The following DEK variants were observed in gnomAD, a reference collection of about 807,000 sequenced individuals.
DEK encodes DEK proto-oncogene, also known as protein DEK.
Under a neutral mutation model 46.8 loss-of-function variants are expected in DEK, and 28 were observed. The ratio of observed to expected loss-of-function variants is 0.60; its 90% CI spans 0.44 to 0.82. The LOEUF (loss-of-function observed/expected upper bound fraction) is 0.82. Among genes scored for constraint, DEK ranks in the 40% least tolerant of loss-of-function variants. DEK has a pLI of 0.00. For synonymous variants in DEK, 160 were observed against 144.5 expected (o/e 1.11, Z -0.77); for missense variants, 416 against 430.6 (o/e 0.97, Z 0.30).
At chr6:18,239,338 C>CTTTTTTT (rs58941276) in intron 7 of DEK, among the ~76,000 whole-genome samples, 1 of 78,294 alleles carries the variant, frequency 1.3e-5, no homozygotes, top group Non-Finnish European at 2.2e-5. Flanking sequence ...ATTTTAGTGT[C>CTTTTTTT]TTTTTTTTTT....
chr6:18,236,557 T>C lies in DEK; in HGVS notation c.942A>G (p.Lys314=). 1.9e-6 allele frequency: 3 copies of C among 1,584,548 alleles called. No homozygotes were observed. The highest frequency in any genetic ancestry group is 1.2e-5 in the South Asian group (1 of 84,862). The change falls in exon 9 of 11, where the codon AAA becomes AAG. Residue 314 remains lysine, a synonymous_variant. Transcript: ENST00000652689. ...EDSSDDEPLI[K]KLKKPPTDEE... ...CATCTGTAGGGGGTTTCTTCAACTT[T>C]TTAATTAAAGGTTCATCATCTGAAC...
intron 9 of DEK, among the ~76,000 whole-genome samples, chr6:18,233,242 A>G (rs1790489931): frequency 6.6e-6 from 1 of 152,206 alleles, no homozygotes; most frequent in Admixed American, 6.5e-5. Context: ...TAAAACCATA[A>G]AAACCCTAGA....
intron 7 of DEK, among the ~76,000 whole-genome samples, chr6:18,248,907 A>T (rs951703603): frequency 6.6e-6 from 1 of 152,182 alleles, no homozygotes; most frequent in Non-Finnish European, 1.5e-5. Flanking sequence ...AAGGTTGATT[A>T]CCCAATCTAT....
chr6:18,258,186 A>G (rs1791684785), intron 3 of DEK, 118 bp downstream of exon 3: 1 of 1,098,620 alleles, frequency 9.1e-7, no homozygotes, highest in East Asian at 2.5e-5. Context: ...AGAGCAAATT[A>G]AATAAAATTA....
Position 18,236,545 on chromosome 6 carries a change from TTTC to T in DEK, c.951_953del (p.Lys318del). ...CCTTTAACTCTTCATCTGTAGGGGG[TTTC>T]TTCAACTTTTTAATTAAAGGTTCAT... is the stretch of plus-strand genomic sequence containing the variant. On this transcript the variant is annotated inframe_deletion, in exon 9 of 11. Coordinates refer to ENST00000652689, the MANE Select transcript of DEK (RefSeq NM_003472.4). The T allele has an allele frequency of 6.3e-7, 1 of 1,586,010 alleles. No individual in the cohort carries two copies. Among genetic ancestry groups the T allele is most frequent in the Non-Finnish European group, 8.5e-7 (1 of 1,171,702 alleles).
chr6:18,258,044 CAA>C lies in DEK; in HGVS notation c.264_265del (p.Cys89Ter). ...AAAAAAATGTATCCTCTCAATTTCA[CAA>C]AGTTTCTGCCCCTTTCCTGGGGAAA... On this transcript the variant is annotated frameshift_variant, in exon 4 of 11. Coordinates refer to ENST00000652689, the MANE Select transcript of DEK (RefSeq NM_003472.4). LOFTEE classifies it high-confidence loss of function. The C allele has an allele frequency of 1.2e-6, 2 of 1,607,780 alleles. No individual in the cohort carries two copies. The highest frequency in any genetic ancestry group is 1.7e-6 in the Non-Finnish European group (2 of 1,177,842).
chr6:18,228,590 G>T (rs1009528899), intron 9 of DEK, among the ~76,000 whole-genome samples: 2 of 152,204 alleles, frequency 1.3e-5, no homozygotes, highest in Admixed American at 6.5e-5. Flanking sequence ...CCTCACCTGG[G>T]AAGCGCAAGG....
In DEK at chr6:18,240,796, A is replaced by G. The variant is rs376449949; in HGVS notation, c.763-3280T>C. 2.2e-3 allele frequency among the ~76,000 whole-genome samples: 329 copies of G among 152,262 alleles called. 3 individuals carry two copies. Among genetic ancestry groups the G allele is most frequent in the African/African-American group, 7.1e-3 (297 of 41,540 alleles). ...AATCAGAAGACCCTATCTCTAAAAA[A>G]CTAATTTTCTTTTTTTTAAAAGCAG... On this transcript the variant is annotated intron_variant, in intron 7 of 10. Coordinates refer to ENST00000652689, the MANE Select transcript of DEK (RefSeq NM_003472.4).
At chr6:18,235,106 T>G (rs1203855046) in intron 9 of DEK, among the ~76,000 whole-genome samples, 1 of 152,194 alleles carries the variant, frequency 6.6e-6, no homozygotes, top group East Asian at 1.9e-4. Flanking sequence ...CTGGGTGTCC[T>G]GCCTCTCTCA....
chr6:18,229,873 G>A, intron 9 of DEK, among the ~76,000 whole-genome samples: 1 of 152,114 alleles, frequency 6.6e-6, no homozygotes, highest in East Asian at 1.9e-4. Context: ...AGGAAATACA[G>A]AGAACACCAC....
chr6:18,257,160 A>C (rs112382735), intron 4 of DEK, among the ~76,000 whole-genome samples: 7 of 152,346 alleles, frequency 4.6e-5, no homozygotes, highest in African/African-American at 1.4e-4. Flanking sequence ...GCTAAAAATG[A>C]GATACAATTA....
At position 18,225,356 on chromosome 6, in the gene DEK, T is replaced by C. The variant is rs543573591; in HGVS notation, c.*363A>G. 3.1e-5 allele frequency: 8 copies of C among 257,932 alleles called. No homozygotes were observed. Among genetic ancestry groups the C allele is most frequent in the East Asian group, 1.1e-4 (2 of 17,440 alleles). 16.0% of individuals were successfully genotyped at this position (257,932 alleles called of 1,614,324 possible). A position where few individuals can be genotyped will look rare whatever the true frequency, so the allele number is the denominator to read the frequency against. Reference sequence around the variant, plus strand: ...CTGTATGTATAAATCCTGGTGATAATAGTTTTTGTTCTACTTGATTAAAAG... The same window carrying C: ...CTGTATGTATAAATCCTGGTGATAACAGTTTTTGTTCTACTTGATTAAAAG... On this transcript the variant is annotated 3_prime_UTR_variant, in exon 11 of 11. Coordinates refer to ENST00000652689, the MANE Select transcript of DEK (RefSeq NM_003472.4).
Position 18,258,016 on chromosome 6 carries a change from T to C in DEK, c.294A>G (p.Leu98=). Residue 98 remains leucine, a synonymous_variant, in exon 4 of 11, where the codon CTA becomes CTG. Transcript: ENST00000652689. ...TAAGTTCATCGGTTTTCTTCTTACT[T>C]AGAAAAAAATGTATCCTCTCAATTT... ...LCEIERIHFF[L]SKKKTDELRN... 2.5e-6 allele frequency: 4 copies of C among 1,611,084 alleles called. No homozygotes were observed. In the South Asian group the frequency reaches 3.3e-5, roughly 13 times the overall value.
At chr6:18,244,968 G>C (rs1791043442) in intron 7 of DEK, among the ~76,000 whole-genome samples, 2 of 152,162 alleles carry the variant, frequency 1.3e-5, no homozygotes, top group African/African-American at 4.8e-5. Context: ...AATTATAATG[G>C]AGTTTCTCTG....
At chr6:18,244,646 A>G (rs1345342223) in intron 7 of DEK, 1 of 1,031,216 alleles carries the variant, frequency 9.7e-7, no homozygotes, top group Non-Finnish European at 1.3e-6. Context: ...CTTAAAATAC[A>G]CTATTCTTTC....
chr6:18,240,632 T>C (rs1013113149), intron 7 of DEK, among the ~76,000 whole-genome samples: 6 of 152,198 alleles, frequency 3.9e-5, no homozygotes, highest in African/African-American at 7.2e-5. Context: ...TATGCAAATA[T>C]AATTTCCTCC....
chr6:18,257,858 T>C (rs1374906331), intron 4 of DEK, 95 bp downstream of exon 4: 1 of 815,730 alleles, frequency 1.2e-6, no homozygotes, highest in Non-Finnish European at 1.9e-6. Flanking sequence ...AGTCATAAAG[T>C]GTGGAAATTG....
In DEK at chr6:18,228,971, CCT is replaced by C. The variant is rs972681042; in HGVS notation, c.1048-2731_1048-2730del. On this transcript the variant is annotated intron_variant, in intron 9 of 10. Transcript: ENST00000652689. ...GACTGCCTCAAGTGAGTCCCTGTCCCCTGAGTGGCCTAACTGGGAGACACCTC... is the reference window on the plus strand; with the variant it reads ...GACTGCCTCAAGTGAGTCCCTGTCCCGAGTGGCCTAACTGGGAGACACCTC... Among the ~76,000 whole-genome samples the C allele has an allele frequency of 1.2e-4, 19 of 152,308 alleles. No homozygotes were observed. In the East Asian group the frequency reaches 1.7e-3, roughly 14 times the overall value.
At chr6:18,257,926 T>C (rs752974937) in intron 4 of DEK, 27 bp downstream of exon 4, 2 of 1,483,432 alleles carry the variant, frequency 1.3e-6, no homozygotes, top group South Asian at 1.2e-5. Context: ...AATATACAAG[T>C]AGGTTTAAAG....
Sources: gnomAD v4.1 joint callset for allele counts (sites outside exome capture counted in the v4.1 genomes callset) on GRCh38, gnomAD v4.1.1 for gene constraint, MANE v1.5 for transcripts, NCBI Gene and HGNC (gene_info 2026-07-23, HGNC 2026-07-21) for gene names.